Variants in TAS2R1 observed in about 807,000 individuals in gnomAD.
TAS2R1 encodes the protein taste 2 receptor member 1, also known as taste receptor type 2 member 1.
For missense variants in TAS2R1, 370 were observed against 353.4 expected (o/e 1.05, Z -0.38); for synonymous variants, 141 against 134.2 (o/e 1.05, Z -0.35).
the TAS2R1 span, among the ~76,000 whole-genome samples, chr5:9,840,975 C>T: frequency 4.0e-5 from 6 of 151,068 alleles, no homozygotes; most frequent in Non-Finnish European, 5.9e-5. Flanking sequence ...CCCGGTTTCA[C>T]GCCATTCTCC....
At chr5:9,874,294 C>T in the TAS2R1 span, among the ~76,000 whole-genome samples, 2 of 152,156 alleles carry the variant, frequency 1.3e-5, no homozygotes, top group Non-Finnish European at 2.9e-5. Context: ...TTCAAAACTC[C>T]TTTATTTTAT....
intron 1 of TAS2R1, among the ~76,000 whole-genome samples, chr5:9,688,636 G>A (rs150886132): frequency 2.0e-4 from 31 of 152,138 alleles, no homozygotes; most frequent in South Asian, 1.2e-3. Context: ...CCTATCTCCC[G>A]TGGCCTCCAA....
the TAS2R1 span, among the ~76,000 whole-genome samples, chr5:9,756,770 G>T: frequency 2.0e-5 from 3 of 152,142 alleles, no homozygotes; most frequent in African/African-American, 7.2e-5. Flanking sequence ...AGTCGAAAGG[G>T]TTGTCAGGAG....
the TAS2R1 span, among the ~76,000 whole-genome samples, chr5:9,880,147 T>C: frequency 6.6e-6 from 1 of 152,108 alleles, no homozygotes; most frequent in Non-Finnish European, 1.5e-5. Flanking sequence ...ATACATAAAC[T>C]ATACGTAAAG....
chr5:9,825,471 G>C, the TAS2R1 span, among the ~76,000 whole-genome samples: 1 of 152,130 alleles, frequency 6.6e-6, no homozygotes, highest in Non-Finnish European at 1.5e-5. Context: ...TGACACATGG[G>C]AATTGTGGGG....
chr5:9,842,390 A>G, the TAS2R1 span, among the ~76,000 whole-genome samples: 2 of 139,350 alleles, frequency 1.4e-5, no homozygotes, highest in Non-Finnish European at 3.0e-5. Context: ...GCACAATCTC[A>G]GCTCACTGCA....
At chr5:9,652,377 C>A (rs1579768782) in intron 2 of TAS2R1, among the ~76,000 whole-genome samples, 1 of 152,272 alleles carries the variant, frequency 6.6e-6, no homozygotes, top group African/African-American at 2.4e-5. Flanking sequence ...TGACAAAGTC[C>A]AGCCAATGGA....
chr5:9,884,629 A>G, the TAS2R1 span, among the ~76,000 whole-genome samples: 1 of 152,208 alleles, frequency 6.6e-6, no homozygotes, highest in African/African-American at 2.4e-5. Flanking sequence ...ATTTATTACT[A>G]AAGTAGCAAT....
chr5:9,837,326 G>T, the TAS2R1 span, among the ~76,000 whole-genome samples: 4 of 152,160 alleles, frequency 2.6e-5, no homozygotes, highest in Non-Finnish European at 2.9e-5. Context: ...TGGGGTCCTA[G>T]AATAGCAGAG....
chr5:9,637,978 T>A (rs1445160347), intron 2 of TAS2R1, among the ~76,000 whole-genome samples: 2 of 152,228 alleles, frequency 1.3e-5, no homozygotes, highest in Non-Finnish European at 2.9e-5. Context: ...GTGTGTGTGA[T>A]GTTTTGGGGT....
At chr5:9,723,180 A>G in the TAS2R1 span, among the ~76,000 whole-genome samples, 1 of 151,992 alleles carries the variant, frequency 6.6e-6, no homozygotes, top group Non-Finnish European at 1.5e-5. Flanking sequence ...ACATTTTTCA[A>G]TTTCTTAAAT....
the TAS2R1 span, among the ~76,000 whole-genome samples, chr5:9,760,408 C>T: frequency 3.3e-5 from 5 of 152,168 alleles, no homozygotes; most frequent in South Asian, 2.1e-4. Context: ...AATCTGTAGA[C>T]GAACATTTGT....
intron 1 of TAS2R1, among the ~76,000 whole-genome samples, chr5:9,711,785 C>T (rs1734670314): frequency 1.3e-5 from 2 of 152,034 alleles, no homozygotes; most frequent in South Asian, 4.2e-4. Flanking sequence ...ACCTCAGCCT[C>T]CTGAGTAGCT....
chr5:9,881,519 A>C, the TAS2R1 span, among the ~76,000 whole-genome samples: 1 of 152,236 alleles, frequency 6.6e-6, no homozygotes, highest in Non-Finnish European at 1.5e-5. Flanking sequence ...TTAAAAGTTA[A>C]TAAGGAATGA....
the TAS2R1 span, among the ~76,000 whole-genome samples, chr5:9,855,706 A>C: frequency 6.6e-6 from 1 of 152,236 alleles, no homozygotes; most frequent in Admixed American, 6.5e-5. Flanking sequence ...ATGGAACTAA[A>C]GGCTGTGTCA....
intron 1 of TAS2R1, among the ~76,000 whole-genome samples, chr5:9,708,404 G>C (rs1741666165): frequency 6.6e-6 from 1 of 152,076 alleles, no homozygotes; most frequent in African/African-American, 2.4e-5. Flanking sequence ...TTTTCTTCAA[G>C]GGCCATTTAC....
chr5:9,886,644 T>C, the TAS2R1 span, among the ~76,000 whole-genome samples: 169 of 152,260 alleles, frequency 1.1e-3, no homozygotes, highest in African/African-American at 4.0e-3. Flanking sequence ...TATTTTTATA[T>C]AATTGTTAAA....
the TAS2R1 span, among the ~76,000 whole-genome samples, chr5:9,843,665 A>C: frequency 1.3e-5 from 2 of 152,246 alleles, no homozygotes; most frequent in Non-Finnish European, 2.9e-5. Flanking sequence ...TTCAGGCTAT[A>C]GACTTAATAA....
the TAS2R1 span, among the ~76,000 whole-genome samples, chr5:9,789,726 C>T: frequency 6.6e-6 from 1 of 152,210 alleles, no homozygotes; most frequent in Non-Finnish European, 1.5e-5. Context: ...TGGTTGTGTG[C>T]TAGGCAATTC....
Sources: allele counts gnomAD v4.1 joint callset (sites outside exome capture counted in the v4.1 genomes callset), GRCh38; gene constraint gnomAD v4.1.1; transcripts MANE v1.5; gene names NCBI Gene and HGNC (gene_info 2026-07-23, HGNC 2026-07-21).